The following SYK variants were observed in gnomAD, a reference collection of about 807,000 sequenced individuals.
SYK encodes the protein tyrosine-protein kinase SYK.
SYK carries 16 observed loss-of-function variants against 77.8 expected under a neutral mutation model. The observed-to-expected ratio is 0.21, with a 90% confidence interval of 0.14 to 0.31. SYK has a LOEUF of 0.31. Ranked by LOEUF, SYK falls within the 10% of genes least tolerant of loss-of-function variation. The pLI, the probability that SYK is intolerant of heterozygous loss-of-function variation, is 1.00. For synonymous variants in SYK, 312 were observed against 308.7 expected (o/e 1.01, Z -0.11); for missense variants, 529 against 814.4 (o/e 0.65, Z 4.26).
chr9:90,836,286 CAA>C lies in SYK; in HGVS notation c.-41-7556_-41-7555del, dbSNP rs35155641. 6.5e-4 allele frequency among the ~76,000 whole-genome samples: 71 copies of C among 108,858 alleles called. 1 individual carries two copies. Among genetic ancestry groups the C allele is most frequent in the East Asian group, 2.1e-3 (8 of 3,816 alleles). 71.4% of individuals were successfully genotyped at this position (108,858 alleles called of 152,430 possible). Reference sequence around the variant, plus strand: ...TGGGCAACAGAGCGAGACTTCATCTCAAAAAAAAAAAAAAAAAGTTAAGAAAA... The same window carrying C: ...TGGGCAACAGAGCGAGACTTCATCTCAAAAAAAAAAAAAAAGTTAAGAAAA... On this transcript the variant is annotated intron_variant, in intron 1 of 13. Coordinates refer to ENST00000375754, the MANE Select transcript of SYK (RefSeq NM_003177.7).
At chr9:90,868,271 C>T (rs10217429) in intron 7 of SYK, among the ~76,000 whole-genome samples, 12,420 of 152,146 alleles carry the variant, frequency 0.082, 646 homozygotes, top group African/African-American at 0.15. Context: ...AAAACACCCC[C>T]ACAGATTACT....
chr9:90,895,064 G>T lies in SYK; in HGVS notation c.1836-464G>T, dbSNP rs548044687. On this transcript the variant is annotated intron_variant, in intron 13 of 13. Coordinates refer to ENST00000375754, the MANE Select transcript of SYK (RefSeq NM_003177.7). This position sits in a 1 kb window ranked among gnomAD's most constrained non-coding sequence, Gnocchi z 4.4. The stretch of plus-strand genomic sequence containing the variant: ...GAAAGGGAGAATTAAAGTTATGTTC[G>T]TATTTCTTCTCTTAACAAGATTATG... Among the ~76,000 whole-genome samples the T allele has an allele frequency of 6.1e-4, 93 of 152,328 alleles. 2 individuals are homozygous for T. The South Asian group carries it at 0.019, about 31-fold the overall frequency.
Position 90,894,375 on chromosome 9 carries a change from A to G in SYK, c.1836-1153A>G, listed in dbSNP as rs572959724. On this transcript the variant is annotated intron_variant, in intron 13 of 13. Coordinates refer to ENST00000375754, the MANE Select transcript of SYK (RefSeq NM_003177.7). ...CCCGTGTCCCCAGACATGACCACAG[A>G]TGGCTGACCACACTGATCAATTCGA... Among the ~76,000 whole-genome samples, 3 of 152,334 alleles carry G rather than the reference A, an allele frequency of 2.0e-5. No individual in the cohort carries two copies. In the South Asian group the frequency reaches 6.2e-4, roughly 32 times the overall value.
intron 1 of SYK, among the ~76,000 whole-genome samples, chr9:90,814,442 C>T (rs2118339291): frequency 6.6e-6 from 1 of 152,320 alleles, no homozygotes; most frequent in South Asian, 2.1e-4. Flanking sequence ...GGCCAGGTGT[C>T]AGGGACCAGT....
chr9:90,885,670 G>T (rs1341476114), intron 11 of SYK, among the ~76,000 whole-genome samples: 1 of 152,180 alleles, frequency 6.6e-6, no homozygotes, highest in Non-Finnish European at 1.5e-5. Flanking sequence ...ACATCCAGAT[G>T]CAGGAGGCCC....
chr9:90,874,310 C>A lies in SYK; in HGVS notation c.1003+19C>A. ...GACAAAGGTGAGACTTCCTTTCATT[C>A]AAGGGACATTCACAGAGCAAAGTGC... On this transcript the variant is annotated intron_variant, in intron 8 of 13. Coordinates refer to ENST00000375754, the MANE Select transcript of SYK (RefSeq NM_003177.7). The A allele has an allele frequency of 1.2e-6, 2 of 1,612,500 alleles. No individual in the cohort carries two copies. The highest frequency in any genetic ancestry group is 1.7e-6 in the Non-Finnish European group (2 of 1,178,556).
rs1828940870 is a variant in SYK, at chr9:90,895,278, A to G, written c.1836-250A>G. The stretch of plus-strand genomic sequence containing the variant: ...AAAAGTCTCCTACTTTAGGGTGGAC[A>G]TGAATCACCGGGAGGTCTTGTTAAA... On this transcript the variant is annotated intron_variant, in intron 13 of 13. Transcript: ENST00000375754. The surrounding 1 kb of genome is among the most constrained non-coding windows in gnomAD (Gnocchi z 4.4). 6.6e-6 allele frequency among the ~76,000 whole-genome samples: 1 copy of G among 152,222 alleles called. No individual in the cohort carries two copies. Among genetic ancestry groups the G allele is most frequent in the Non-Finnish European group, 1.5e-5 (1 of 68,030 alleles).
At chr9:90,855,897 G>A (rs921697743) in intron 3 of SYK, among the ~76,000 whole-genome samples, 1 of 152,206 alleles carries the variant, frequency 6.6e-6, no homozygotes. Context: ...GCCTGTTTGA[G>A]ATACCTGTTA....
rs1829041891 is a variant in SYK at position 90,897,618 on chromosome 9, G to A, written c.*2018G>A. 4.4e-6 allele frequency: 1 copy of A among 227,930 alleles called. No homozygotes were observed. The highest frequency in any genetic ancestry group is 6.3e-5 in the East Asian group (1 of 15,988). The allele number at this position is 227,930 out of a possible 1,614,324, so 14.1% of individuals were successfully genotyped here. On this transcript the variant is annotated 3_prime_UTR_variant, in exon 14 of 14. Transcript: ENST00000375754. ...ATGTAGGAAGTGCGTGGAGTTTTCT[G>A]TCTTCTTTCTGTGTGATTTTTGGCC...
chr9:90,839,086 A>T (rs7852876), intron 1 of SYK, among the ~76,000 whole-genome samples: 95,441 of 152,066 alleles, frequency 0.63, 30,745 homozygotes, highest in African/African-American at 0.75. Flanking sequence ...GTGGGCAGTG[A>T]CTGGAATGGA....
At chr9:90,889,354 A>G (rs896916223) in intron 13 of SYK, among the ~76,000 whole-genome samples, 1 of 152,244 alleles carries the variant, frequency 6.6e-6, no homozygotes. Context: ...TGAACTGTGC[A>G]CACAGAGCCC....
chr9:90,866,923 A>T (rs1054920762), intron 6 of SYK, among the ~76,000 whole-genome samples: 2 of 152,224 alleles, frequency 1.3e-5, no homozygotes, highest in African/African-American at 4.8e-5. Flanking sequence ...TTTCCCAAAT[A>T]TATTTCTAGA....
intron 3 of SYK, among the ~76,000 whole-genome samples, chr9:90,858,860 C>A (rs1827141667): frequency 6.6e-6 from 1 of 152,180 alleles, no homozygotes; most frequent in African/African-American, 2.4e-5. Context: ...TGGTCACTAC[C>A]TATACCTTCC....
intron 6 of SYK, among the ~76,000 whole-genome samples, chr9:90,866,689 G>A (rs765658506): frequency 1.5e-4 from 23 of 151,824 alleles, no homozygotes; most frequent in Non-Finnish European, 2.4e-4. Context: ...AGATACATAC[G>A]GGAAAAAAAA....
intron 3 of SYK, among the ~76,000 whole-genome samples, chr9:90,850,441 A>G (rs4744015): frequency 0.75 from 114,503 of 151,930 alleles, 43,662 homozygotes; most frequent in African/African-American, 0.83. Context: ...TCTTGAACCC[A>G]GGAGGCGGAG....
chr9:90,888,725 A>G, intron 13 of SYK, 98 bp downstream of exon 13: 1 of 956,196 alleles, frequency 1.0e-6, no homozygotes, highest in African/African-American at 1.7e-5. Flanking sequence ...CCTTTTCATG[A>G]ATCAGGAATG....
chr9:90,889,121 T>C (rs1015364692), intron 13 of SYK, among the ~76,000 whole-genome samples: 28 of 152,368 alleles, frequency 1.8e-4, no homozygotes, highest in African/African-American at 6.7e-4. Flanking sequence ...GTGGCCTCAG[T>C]CCACCCTGAC....
At chr9:90,837,017 A>T (rs1826110111) in intron 1 of SYK, among the ~76,000 whole-genome samples, 1 of 152,016 alleles carries the variant, frequency 6.6e-6, no homozygotes, top group Non-Finnish European at 1.5e-5. Context: ...CCTCACTATA[A>T]GAATATAGTA....
chr9:90,877,020 A>G (rs1243369405), intron 9 of SYK, among the ~76,000 whole-genome samples: 1 of 152,094 alleles, frequency 6.6e-6, no homozygotes, highest in African/African-American at 2.4e-5. Context: ...CTTGGTTGGG[A>G]CATTCTTCAG....
Sources: allele counts gnomAD v4.1 joint callset (sites outside exome capture counted in the v4.1 genomes callset), GRCh38; gene constraint gnomAD v4.1.1; non-coding constraint Gnocchi (gnomAD v3.1); transcripts MANE v1.5; gene names NCBI Gene and HGNC (gene_info 2026-07-23, HGNC 2026-07-21).